MYH8: variants seen among roughly 807,000 people sequenced by gnomAD.
The protein encoded by MYH8 is myosin heavy chain 8.
In MYH8, 168 loss-of-function variants were observed where a neutral mutation model predicts 233.2. The ratio of observed to expected loss-of-function variants is 0.72; its 90% CI spans 0.64 to 0.82. The LOEUF (loss-of-function observed/expected upper bound fraction) is 0.82, where lower values mean the gene tolerates loss of function less well. MYH8 is among the 40% of genes least tolerant of loss of function. The probability of loss-of-function intolerance (pLI) is 0.00; values close to 1 mark genes in which losing one functional copy is unlikely to be tolerated. For missense variants in MYH8, 1,995 were observed against 2,327.8 expected, an observed-to-expected ratio of 0.86 and a Z score of 2.94; for synonymous variants, 785 against 850.6, an observed-to-expected ratio of 0.92 and a Z score of 1.34.
At chr17:10,392,511 A>C (rs759545809) in intron 38 of MYH8, 31 bp downstream of exon 38, 3 of 1,574,306 alleles carry the variant, frequency 1.9e-6, no homozygotes, top group Non-Finnish European at 2.6e-6. Flanking sequence ...GGGCAGGAAG[A>C]GTGGATATTC....
Position 10,409,271 on chromosome 17 carries a change from G to C in MYH8, c.1897+8C>G, listed in dbSNP as rs903205712. 1 of 1,614,174 alleles carries C rather than the reference G, an allele frequency of 6.2e-7. No individual in the cohort carries two copies. Among genetic ancestry groups the C allele is most frequent in the Non-Finnish European group, 8.5e-7 (1 of 1,179,988 alleles). On this transcript the variant is annotated splice_region_variant and intron_variant, in intron 16 of 39. Transcript: ENST00000403437. ...GGATTTAATTTAGATTAAGGACACAGAAAGTACCTGCTTCAGCACTAGCAT... is the reference window on the plus strand; with the variant it reads ...GGATTTAATTTAGATTAAGGACACACAAAGTACCTGCTTCAGCACTAGCAT...
chr17:10,392,680 T>A (rs1365084795), intron 37 of MYH8, 34 bp from the exon 38 acceptor site: 3 of 1,613,756 alleles, frequency 1.9e-6, no homozygotes, highest in Admixed American at 1.7e-5. Context: ...GCAGTCAGTC[T>A]TGGGGGATAT....
intron 15 of MYH8, among the ~76,000 whole-genome samples, chr17:10,410,348 A>G (rs942247159): frequency 6.6e-6 from 1 of 152,212 alleles, no homozygotes; most frequent in Non-Finnish European, 1.5e-5. Context: ...GAAGTAGCGT[A>G]TGCAGTTTGA....
intron 18 of MYH8, 21 bp downstream of exon 18, chr17:10,406,870 TA>T (rs766089101): frequency 1.9e-6 from 3 of 1,613,152 alleles, no homozygotes; most frequent in Non-Finnish European, 2.5e-6. Context: ...CCCGTTTGAT[TA>T]TTTCACTCTC....
chr17:10,392,033 G>C, intron 38 of MYH8, 56 bp from the exon 39 acceptor site: 1 of 1,435,346 alleles, frequency 7.0e-7, no homozygotes. Flanking sequence ...GGCTACTCTG[G>C]GTACTAAAAT....
intron 17 of MYH8, among the ~76,000 whole-genome samples, 196 bp from the exon 18 acceptor site, chr17:10,407,175 C>T (rs1442256080): frequency 1.3e-5 from 2 of 152,136 alleles, no homozygotes; most frequent in African/African-American, 4.8e-5. Context: ...GGAAGGAATG[C>T]ACATCTCCAA....
At position 10,401,045 on chromosome 17, in the gene MYH8, C is replaced by T. The variant is rs372740784; in HGVS notation, c.3254+1G>A. ...GAAGTTTTTTTCTAAAAGGCTCCTA[C>T]TTTTCAAGCTTTTCATCAAGTTGCT... On this transcript the variant is annotated splice_donor_variant, in intron 25 of 39. Transcript: ENST00000403437. LOFTEE classifies it high-confidence loss of function. 2.2e-4 allele frequency: 357 copies of T among 1,614,026 alleles called. No individual in the cohort carries two copies. Among genetic ancestry groups the T allele is most frequent in the Admixed American group, 3.3e-4 (20 of 59,998 alleles).
rs2072128948 is a variant in MYH8 at position 10,400,559 on chromosome 17, T to A, written c.3566A>T (p.Glu1189Val). The change falls in exon 27 of 40, where the codon GAA (glutamate) becomes GTA (valine). Residue 1189 changes from glutamate to valine, a missense_variant. This residue lies in a region of MYH8 where 1,498 missense variants were observed against 1,680.9 expected (regional missense o/e 0.89). Coordinates refer to ENST00000403437, the MANE Select transcript of MYH8 (RefSeq NM_002472.3). This position sits in a 1 kb window ranked among gnomAD's most constrained non-coding sequence, Gnocchi z 4.0. ...RDLEEATLQH[E>V]AMVAALRKKH... ...CTTCCGAAGAGCAGCCACCATAGCT[T>A]CATGCTGCAGGGTGGCCTCCTCCAG... The A allele has an allele frequency of 6.2e-7, 1 of 1,614,096 alleles. No homozygotes were observed. Among genetic ancestry groups the A allele is most frequent in the Admixed American group, 1.7e-5 (1 of 60,012 alleles).
Position 10,414,444 on chromosome 17 carries a change from C to T in MYH8, c.846G>A (p.Ala282=), listed in dbSNP as rs577298464. 7.9e-5 allele frequency: 127 copies of T among 1,613,390 alleles called. No homozygotes were observed. Among genetic ancestry groups the T allele is most frequent in the Admixed American group, 2.5e-4 (15 of 60,024 alleles). Residue 282 remains alanine (A), a synonymous_variant, in exon 10 of 40, where the codon GCG becomes GCA. Transcript: ENST00000403437. ...EKSRVTFQLK[A]ERSYHIFYQI... is the part of the protein sequence containing the mutation. ...GATAAAAAATATGGTAGCTTCTTTCCGCCTTTAGCTGGAAAGTAACTCTGG... is the reference window on the plus strand; with the variant it reads ...GATAAAAAATATGGTAGCTTCTTTCTGCCTTTAGCTGGAAAGTAACTCTGG...
rs1161571669 is a variant in MYH8 at position 10,409,049 on chromosome 17, T to C, written c.1965+48A>G. The C allele has an allele frequency of 3.2e-6, 5 of 1,549,782 alleles. No individual in the cohort carries two copies. The East Asian group carries it at 9.0e-5, about 28-fold the overall frequency. On this transcript the variant is annotated intron_variant, in intron 17 of 39. Transcript: ENST00000403437. ...ATTTTTTCTAAATCCTTAATTATGA[T>C]AATTCATAGAAACTGAGTAGATATT...
rs2072069092 is a variant in MYH8 at position 10,395,303 on chromosome 17, C to G, written c.4792G>C (p.Glu1598Gln). The G allele has an allele frequency of 6.2e-7, 1 of 1,614,192 alleles. No individual in the cohort carries two copies. The highest frequency in any genetic ancestry group is 1.1e-5 in the South Asian group (1 of 91,082). The change falls in exon 34 of 40, where the codon GAG becomes CAG. Residue 1598 changes from glutamate to glutamine, a missense_variant. Coordinates refer to ENST00000403437, the MANE Select transcript of MYH8 (RefSeq NM_002472.3). ...QLKRNHTRVV[E>Q]TMQSTLDAEI... ...GCATCCAGCGTGCTCTGCATTGTCTCCACGACTCTAGTGTGGTTTCTCTTC... is the reference window on the plus strand; with the variant it reads ...GCATCCAGCGTGCTCTGCATTGTCTGCACGACTCTAGTGTGGTTTCTCTTC...
At chr17:10,407,573 G>T (rs774384527) in intron 17 of MYH8, among the ~76,000 whole-genome samples, 1 of 152,056 alleles carries the variant, frequency 6.6e-6, no homozygotes, top group African/African-American at 2.4e-5. Context: ...AGGCATGGTG[G>T]CTCACGCCTG....
chr17:10,417,787 C>T lies in MYH8; in HGVS notation c.511+858G>A, dbSNP rs891690205. On this transcript the variant is annotated intron_variant, in intron 5 of 39. Transcript: ENST00000403437. This position sits in a 1 kb window ranked among gnomAD's most constrained non-coding sequence, Gnocchi z 4.1. ...CATAGAATCCTTGTAGAATTGATGG[C>T]CAATTTGTAATGGGAGATTCCTATT... 1.3e-5 allele frequency among the ~76,000 whole-genome samples: 2 copies of T among 152,086 alleles called. No individual in the cohort carries two copies. Among genetic ancestry groups the T allele is most frequent in the African/African-American group, 4.8e-5 (2 of 41,398 alleles).
rs151091483 is a variant in MYH8, at chr17:10,409,361, A to C, written c.1815T>G (p.Asn605Lys). Residue 605 changes from asparagine to lysine, a missense_variant, in exon 16 of 40, where the codon AAT (asparagine) becomes AAG (lysine). Asn to Lys is a moderately conservative substitution (Grantham distance 94, BLOSUM62 0). Transcript: ENST00000403437. ...GWLDKNKDPL[N>K]DTVVGLYQKS... ...TCTGGTACAGCCCAACCACAGTATC[A>C]TTCAGGGGGTCCTTATTTTTGTCCA... 6.2e-7 allele frequency: 1 copy of C among 1,614,242 alleles called. No homozygotes were observed. The highest frequency in any genetic ancestry group is 2.2e-5 in the East Asian group (1 of 44,888).
At chr17:10,406,252 G>A in intron 20 of MYH8, 22 bp downstream of exon 20, 1 of 1,614,024 alleles carries the variant, frequency 6.2e-7, no homozygotes, top group Non-Finnish European at 8.5e-7. Context: ...CTTGGATCAG[G>A]TGTAAATAAA....
In MYH8 at chr17:10,412,202, A is replaced by G. The variant is rs566569846; in HGVS notation, c.1416+168T>C. ...ACTGCTGGCCCAGTGAGCGTTAGCT[A>G]TTATTAGTAGTACATTATGTTACCT... On this transcript the variant is annotated intron_variant, in intron 14 of 39. Coordinates refer to ENST00000403437, the MANE Select transcript of MYH8 (RefSeq NM_002472.3). Among the ~76,000 whole-genome samples the G allele has an allele frequency of 3.3e-5, 5 of 152,290 alleles. No homozygotes were observed. In the South Asian group the frequency reaches 1.0e-3, roughly 32 times the overall value.
rs770179197 is a variant in MYH8 at position 10,401,465 on chromosome 17, G to A, written c.2932-14C>T. 1 of 1,614,090 alleles carries A rather than the reference G, an allele frequency of 6.2e-7. No individual in the cohort carries two copies. The highest frequency in any genetic ancestry group is 1.1e-5 in the South Asian group (1 of 91,072). ...AAGATTTTTCACCTACAAAGGTTAA[G>A]AAAGAGATTATTTCTCCTATAAAGC... On this transcript the variant is annotated splice_polypyrimidine_tract_variant and intron_variant, in intron 23 of 39. Transcript: ENST00000403437.
chr17:10,409,030 T>C (rs755746665), intron 17 of MYH8, 67 bp downstream of exon 17: 11 of 1,467,748 alleles, frequency 7.5e-6, no homozygotes, highest in Admixed American at 1.7e-5. Flanking sequence ...CATAATTTTT[T>C]CTAAATCCTT....
At position 10,396,921 on chromosome 17, in the gene MYH8, G is replaced by A; in HGVS notation, c.4244C>T (p.Ala1415Val). The A allele has an allele frequency of 6.2e-7, 1 of 1,614,218 alleles. No homozygotes were observed. The highest frequency in any genetic ancestry group is 8.5e-7 in the Non-Finnish European group (1 of 1,180,046). ...EHVEAVNAKC[A>V]SLEKTKQRLQ... Reference sequence around the variant, plus strand: ...CCGCTGCTTCGTCTTCTCAAGGGAAGCACATTTGGCGTTCACAGCTTCTAC... The same window carrying A: ...CCGCTGCTTCGTCTTCTCAAGGGAAACACATTTGGCGTTCACAGCTTCTAC... Residue 1415 changes from alanine (A) to valine (V), a missense_variant, in exon 31 of 40, where the codon GCT (alanine) becomes GTT (valine). Ala to Val is a moderately conservative substitution (Grantham distance 64). This residue lies in a region of MYH8 where 1,498 missense variants were observed against 1,680.9 expected (regional missense o/e 0.89). Transcript: ENST00000403437. This position sits in a 1 kb window ranked among gnomAD's most constrained non-coding sequence, Gnocchi z 4.2.
Sources: allele counts gnomAD v4.1 joint callset (sites outside exome capture counted in the v4.1 genomes callset), GRCh38; gene constraint gnomAD v4.1.1; regional missense constraint gnomAD v4.1.1; non-coding constraint Gnocchi (gnomAD v3.1); transcripts MANE v1.5; gene names NCBI Gene and HGNC (gene_info 2026-07-23, HGNC 2026-07-21).